Variants in LOC400499 observed in about 807,000 individuals in gnomAD.
chr16:11,414,691 T>C, the LOC400499 span: 1 of 397,020 alleles, frequency 2.5e-6, no homozygotes, highest in Non-Finnish European at 4.4e-6. Flanking sequence ...CTCCGTGACA[T>C]CATCTGTCAT....
At chr16:11,440,780 T>C in the LOC400499 span, 1 of 399,046 alleles carries the variant, frequency 2.5e-6, no homozygotes, top group Non-Finnish European at 4.4e-6. Context: ...AAGTTGAATG[T>C]TCCTTGGGGA....
the LOC400499 span, among the ~76,000 whole-genome samples, chr16:11,460,784 G>A: frequency 7.6e-4 from 116 of 152,340 alleles, 1 homozygote; most frequent in African/African-American, 2.6e-3. Context: ...ATGGGTGAAT[G>A]TCTCCTCAAC....
the LOC400499 span, among the ~76,000 whole-genome samples, chr16:11,433,285 T>C: frequency 2.0e-5 from 3 of 152,166 alleles, no homozygotes; most frequent in Non-Finnish European, 4.4e-5. Context: ...GGATGGGCAG[T>C]TGGACAGGTG....
At chr16:11,490,769 G>T in the LOC400499 span, among the ~76,000 whole-genome samples, 2 of 152,218 alleles carry the variant, frequency 1.3e-5, no homozygotes, top group African/African-American at 2.4e-5. Context: ...AGAGGCTATT[G>T]TTAAGGAGAT....
At chr16:11,379,459 T>C in the LOC400499 span, among the ~76,000 whole-genome samples, 6 of 152,252 alleles carry the variant, frequency 3.9e-5, no homozygotes, top group African/African-American at 1.2e-4. Context: ...CTGATATTAG[T>C]ATAGCTACTC....
At chr16:11,412,909 T>C in the LOC400499 span, 1 of 399,042 alleles carries the variant, frequency 2.5e-6, no homozygotes, top group South Asian at 1.3e-4. Flanking sequence ...TCAGCTGCAG[T>C]GAGGAGCTCA....
At chr16:11,392,243 C>A in the LOC400499 span, 1 of 398,988 alleles carries the variant, frequency 2.5e-6, no homozygotes, top group Non-Finnish European at 4.4e-6. Flanking sequence ...GGGCTCGGGG[C>A]TCCTGGCACG....
the LOC400499 span, among the ~76,000 whole-genome samples, chr16:11,377,756 C>G: frequency 1.3e-5 from 2 of 152,290 alleles, no homozygotes; most frequent in Non-Finnish European, 2.9e-5. Flanking sequence ...GAACATTGGT[C>G]TATTTTCCTC....
At chr16:11,399,178 TC>T in the LOC400499 span, 1 of 982,394 alleles carries the variant, frequency 1.0e-6, no homozygotes. Context: ...GCTCCCGATC[TC>T]CCTCCGCCCC....
the LOC400499 span, chr16:11,446,550 C>A: frequency 6.5e-7 from 1 of 1,536,020 alleles, no homozygotes. Flanking sequence ...CTGCTCTTAC[C>A]GTGTGCTGAT....
the LOC400499 span, chr16:11,449,156 C>T: frequency 7.4e-7 from 1 of 1,343,602 alleles, no homozygotes; most frequent in South Asian, 1.8e-5. Flanking sequence ...ACCCTATTTC[C>T]TCCACCTGGG....
the LOC400499 span, among the ~76,000 whole-genome samples, chr16:11,378,171 A>T: frequency 6.6e-6 from 1 of 151,700 alleles, no homozygotes; most frequent in Non-Finnish European, 1.5e-5. Flanking sequence ...TCCTGGGCTC[A>T]AGCAGTCTCC....
At chr16:11,430,322 T>C in the LOC400499 span, among the ~76,000 whole-genome samples, 1 of 151,978 alleles carries the variant, frequency 6.6e-6, no homozygotes, top group East Asian at 1.9e-4. Context: ...CCCGTCTCTA[T>C]TAAAAATACA....
At chr16:11,456,929 A>C in the LOC400499 span, 3 of 1,536,126 alleles carry the variant, frequency 2.0e-6, no homozygotes, top group Non-Finnish European at 2.6e-6. Context: ...GCGGCCGCCC[A>C]TTGTACTGCA....
At chr16:11,527,168 G>A in the LOC400499 span, among the ~76,000 whole-genome samples, 2 of 152,164 alleles carry the variant, frequency 1.3e-5, no homozygotes, top group Admixed American at 6.5e-5. Context: ...TCCCACGGGG[G>A]CCGGCATCAC....
the LOC400499 span, among the ~76,000 whole-genome samples, chr16:11,420,782 C>T: frequency 2.0e-5 from 3 of 152,218 alleles, no homozygotes; most frequent in East Asian, 1.9e-4. Flanking sequence ...GGCTGAGAAA[C>T]GCAGCATCTC....
At chr16:11,436,282 C>T in the LOC400499 span, among the ~76,000 whole-genome samples, 1 of 152,154 alleles carries the variant, frequency 6.6e-6, no homozygotes, top group African/African-American at 2.4e-5. Flanking sequence ...AAGGAGGCCC[C>T]AGAGAGTGCC....
the LOC400499 span, among the ~76,000 whole-genome samples, chr16:11,490,592 T>C: frequency 6.6e-6 from 1 of 151,944 alleles, no homozygotes; most frequent in Admixed American, 6.6e-5. Context: ...TCCTAGCTAC[T>C]TGGGAGGCTG....
the LOC400499 span, chr16:11,424,397 C>T: frequency 2.5e-6 from 1 of 399,216 alleles, no homozygotes; most frequent in Non-Finnish European, 4.4e-6. Context: ...AGACCACTCA[C>T]CCCAGTCCAC....
Sources: gnomAD v4.1 joint callset for allele counts (sites outside exome capture counted in the v4.1 genomes callset) on GRCh38, gnomAD v4.1.1 for gene constraint, MANE v1.5 for transcripts.